The following ZNF91 variants were observed in gnomAD, a reference collection of about 807,000 sequenced individuals.
The protein encoded by ZNF91 is zinc finger protein 91, also known as zinc finger protein 91 (HPF7, HTF10).
Under a neutral mutation model 12.6 loss-of-function variants are expected in ZNF91, and 7 were observed. The observed-to-expected ratio is 0.55, with a 90% CI of 0.31 to 1.04. The LOEUF is 1.04. Ranked by LOEUF, ZNF91 falls within the 50% of genes least tolerant of loss-of-function variation. The probability of loss-of-function intolerance (pLI) is 0.05; values close to 1 mark genes in which losing one functional copy is unlikely to be tolerated. For synonymous variants in ZNF91, 453 were observed against 462.6 expected (o/e 0.98, Z 0.27); for missense variants, 1,217 against 1,385.4 (o/e 0.88, Z 1.93).
At chr19:23,343,829 C>T (rs948555272) in intron 3 of ZNF91, among the ~76,000 whole-genome samples, 10 of 152,332 alleles carry the variant, frequency 6.6e-5, no homozygotes, top group African/African-American at 2.2e-4. Flanking sequence ...TCTATCAGAC[C>T]TCAGCTTGGG....
chr19:23,320,506 C>G (rs905189527), intron 1 of ZNF91, among the ~76,000 whole-genome samples: 1 of 152,148 alleles, frequency 6.6e-6, no homozygotes, highest in Non-Finnish European at 1.5e-5. Context: ...AATCAGGAAC[C>G]TTCTTCACAA....
intron 1 of ZNF91, among the ~76,000 whole-genome samples, chr19:23,331,459 T>A (rs956901084): frequency 7.9e-5 from 12 of 152,342 alleles, no homozygotes; most frequent in Non-Finnish European, 1.3e-4. Context: ...GTCATGTTGC[T>A]AAGAATGTGA....
At chr19:23,326,283 C>A (rs1282361536) in intron 1 of ZNF91, 4 of 152,156 alleles carry the variant, frequency 2.6e-5, no homozygotes, top group Admixed American at 6.6e-5. Flanking sequence ...CTGTACCTAG[C>A]ACAATTGCAT....
intron 1 of ZNF91, among the ~76,000 whole-genome samples, chr19:23,330,051 G>A (rs541124455): frequency 2.0e-5 from 3 of 152,214 alleles, no homozygotes; most frequent in Middle Eastern, 3.4e-3. Context: ...ACTGGGACTC[G>A]CGGCCAGGCA....
At chr19:23,336,328 T>C (rs1019271023), downstream of ZNF91, among the ~76,000 whole-genome samples, 4 of 152,162 alleles carry the variant, frequency 2.6e-5, no homozygotes, top group Non-Finnish European at 4.4e-5. Flanking sequence ...GTGGGACTTT[T>C]AGCTTGCAGA....
At chr19:23,369,383 G>A (rs1286643636) in intron 3 of ZNF91, among the ~76,000 whole-genome samples, 3 of 151,670 alleles carry the variant, frequency 2.0e-5, no homozygotes, top group Non-Finnish European at 4.4e-5. Flanking sequence ...GTCCGGGAGG[G>A]AGGTGGGGTG....
intron 1 of ZNF91, chr19:23,385,185 G>C (rs1969835121): frequency 1.0e-5 from 7 of 675,544 alleles, no homozygotes; most frequent in Admixed American, 9.7e-5. Context: ...GAAAGACTAA[G>C]TCAGAGGAGT....
chr19:23,375,662 T>C (rs1599744776), intron 1 of ZNF91, among the ~76,000 whole-genome samples: 1 of 151,686 alleles, frequency 6.6e-6, no homozygotes, highest in South Asian at 2.1e-4. Flanking sequence ...TTCTGGCCTG[T>C]AAACAAAGAT....
chr19:23,394,163 A>G (rs185330622), intron 1 of ZNF91, among the ~76,000 whole-genome samples: 17 of 152,276 alleles, frequency 1.1e-4, no homozygotes, highest in African/African-American at 4.1e-4. Context: ...GGAACAGGGG[A>G]TGAGGGGTGG....
intron 1 of ZNF91, chr19:23,324,829 C>T (rs1967808201): frequency 1.3e-5 from 2 of 152,044 alleles, no homozygotes; most frequent in African/African-American, 4.8e-5. Flanking sequence ...TTTTTGCATT[C>T]ATAGTCTCCC....
intron 3 of ZNF91, among the ~76,000 whole-genome samples, chr19:23,341,138 A>G (rs988609192): frequency 2.0e-4 from 30 of 150,034 alleles, no homozygotes; most frequent in African/African-American, 7.4e-4. Flanking sequence ...GCAACCACTG[A>G]CTCCCAGGTT....
At chr19:23,381,113 C>A (rs1314305006) in intron 1 of ZNF91, among the ~76,000 whole-genome samples, 1 of 152,068 alleles carries the variant, frequency 6.6e-6, no homozygotes, top group African/African-American at 2.4e-5. Flanking sequence ...TTTGGTAATA[C>A]ATTTTCTTTG....
At chr19:23,383,734 A>G (rs1270996825) in intron 1 of ZNF91, among the ~76,000 whole-genome samples, 2 of 152,164 alleles carry the variant, frequency 1.3e-5, no homozygotes, top group East Asian at 3.9e-4. Flanking sequence ...AAACTGGCAA[A>G]AGGCAAAAGA....
chr19:23,359,220 A>C lies in ZNF91; in HGVS notation c.*183T>G. 1 of 467,178 alleles carries C rather than the reference A, an allele frequency of 2.1e-6. No homozygotes were observed. The highest frequency in any genetic ancestry group is 3.9e-6 in the Non-Finnish European group (1 of 258,748). 28.9% of individuals were successfully genotyped at this position (467,178 alleles called of 1,614,324 possible). On this transcript the variant is annotated 3_prime_UTR_variant, in exon 4 of 4. Coordinates refer to ENST00000300619, the MANE Select transcript of ZNF91 (RefSeq NM_003430.4). Reference sequence around the variant, plus strand: ...ATTTGTAGGGTTTCTCTCTAGTATGAATTTTCTTTTTTTTTTTTTTGAGAC... The same window carrying C: ...ATTTGTAGGGTTTCTCTCTAGTATGCATTTTCTTTTTTTTTTTTTTGAGAC...
chr19:23,347,025 C>G (rs1296350886), intron 3 of ZNF91, among the ~76,000 whole-genome samples: 1 of 152,078 alleles, frequency 6.6e-6, no homozygotes, highest in East Asian at 1.9e-4. Flanking sequence ...AACAGACCAA[C>G]CCCTTCCAGA....
rs1968823906 is a variant in ZNF91 at position 23,362,225 on chromosome 19, T to C, written c.754A>G (p.Thr252Ala). 2.5e-6 allele frequency: 4 copies of C among 1,613,068 alleles called. No homozygotes were observed. The highest frequency in any genetic ancestry group is 2.2e-5 in the East Asian group (1 of 44,800). The change falls in exon 4 of 4, where the codon ACC becomes GCC. Residue 252 changes from threonine to alanine, a missense_variant. Thr to Ala is a moderately conservative substitution (Grantham distance 58). This residue lies in a region of ZNF91 where 726 missense variants were observed against 895.5 expected (regional missense o/e 0.81). Coordinates refer to ENST00000300619, the MANE Select transcript of ZNF91 (RefSeq NM_003430.4). ...CAGATTATTTTATGTGTAGTAAGGG[T>C]TGAGAGCTGCTTAAAAGCTTTGCCA... ...ECGKAFKQLSTLTTHKIICAK... is the reference protein window; with the variant it reads ...ECGKAFKQLSALTTHKIICAK...
At chr19:23,377,084 T>G (rs1339617412) in intron 1 of ZNF91, among the ~76,000 whole-genome samples, 1 of 152,112 alleles carries the variant, frequency 6.6e-6, no homozygotes, top group African/African-American at 2.4e-5. Flanking sequence ...TTTCTCTTTT[T>G]TTTTTGTCCT....
At chr19:23,366,962 G>A (rs1969040982) in intron 3 of ZNF91, among the ~76,000 whole-genome samples, 1 of 152,182 alleles carries the variant, frequency 6.6e-6, no homozygotes, top group Non-Finnish European at 1.5e-5. Context: ...TTTGCACCTG[G>A]TGTATTCTGT....
At chr19:23,344,440 A>C (rs1295784018) in intron 3 of ZNF91, among the ~76,000 whole-genome samples, 1 of 152,208 alleles carries the variant, frequency 6.6e-6, no homozygotes, top group Non-Finnish European at 1.5e-5. Context: ...AACATGTTTT[A>C]TGCAAAGTTC....
Sources: allele counts gnomAD v4.1 joint callset (sites outside exome capture counted in the v4.1 genomes callset), GRCh38; gene constraint gnomAD v4.1.1; regional missense constraint gnomAD v4.1.1; transcripts MANE v1.5; gene names NCBI Gene and HGNC (gene_info 2026-07-23, HGNC 2026-07-21).